Variants in OSBPL1A observed in about 807,000 individuals in gnomAD.
OSBPL1A encodes the protein oxysterol-binding protein-related protein 1.
Under a neutral mutation model 137.1 loss-of-function variants are expected in OSBPL1A, and 80 were observed. The ratio of observed to expected loss-of-function variants is 0.58; its 90% CI spans 0.49 to 0.70. The LOEUF (loss-of-function observed/expected upper bound fraction) is 0.70. Among genes scored for constraint, OSBPL1A ranks in the 30% least tolerant of loss-of-function variants. OSBPL1A has a pLI of 0.00. For missense variants in OSBPL1A, 970 were observed against 1,129.4 expected (o/e 0.86, Z 2.02); for synonymous variants, 365 against 389.7 (o/e 0.94, Z 0.75).
At chr18:24,170,590 G>T (rs1398075834) in intron 23 of OSBPL1A, 137 bp from the exon 24 acceptor site, 1 of 865,280 alleles carries the variant, frequency 1.2e-6, no homozygotes, top group Non-Finnish European at 1.8e-6. Context: ...GAGCAGATGA[G>T]ATCAGGCGTG....
chr18:24,197,264 T>C (rs1225740336), intron 17 of OSBPL1A, among the ~76,000 whole-genome samples: 3 of 152,062 alleles, frequency 2.0e-5, no homozygotes, highest in African/African-American at 7.2e-5. Context: ...GGAGAATCAC[T>C]TGAACACGTG....
At chr18:24,267,835 G>C (rs1476576897) in intron 15 of OSBPL1A, among the ~76,000 whole-genome samples, 2 of 150,112 alleles carry the variant, frequency 1.3e-5, no homozygotes, top group African/African-American at 4.9e-5. Context: ...TTAGAAGTTA[G>C]AGGTATGCCT....
chr18:24,174,780 TA>T (rs768917222), intron 21 of OSBPL1A, among the ~76,000 whole-genome samples: 4 of 152,138 alleles, frequency 2.6e-5, no homozygotes, highest in East Asian at 1.9e-4. Context: ...AATTTTTATT[TA>T]TTTTTTTTTA....
intron 22 of OSBPL1A, among the ~76,000 whole-genome samples, chr18:24,172,019 C>A (rs1226360478): frequency 6.6e-6 from 1 of 151,300 alleles, no homozygotes; most frequent in African/African-American, 2.4e-5. Flanking sequence ...CGGCTCACTG[C>A]AACCTCCGCC....
chr18:24,331,521 C>G (rs965677392), intron 7 of OSBPL1A, among the ~76,000 whole-genome samples: 3 of 151,460 alleles, frequency 2.0e-5, no homozygotes, highest in East Asian at 3.9e-4. Context: ...CTCAGCCTCC[C>G]GAGTAGCTGG....
Position 24,196,168 on chromosome 18 carries a change from T to C in OSBPL1A, c.1634A>G (p.Asn545Ser), listed in dbSNP as rs1337515195. The C allele has an allele frequency of 6.2e-7, 1 of 1,611,404 alleles. No individual in the cohort carries two copies. The highest frequency in any genetic ancestry group is 1.7e-5 in the Admixed American group (1 of 59,952). ...GAGGATGCTCCAGATACTGAAGTCATTTCTGGAAAACATAGGAGAAGGCAA... is the reference window on the plus strand; with the variant it reads ...GAGGATGCTCCAGATACTGAAGTCACTTCTGGAAAACATAGGAGAAGGCAA... ...TSLPSPMFSR[N>S]DFSIWSILRK... Residue 545 changes from asparagine to serine, a missense_variant, in exon 18 of 28, where the codon AAT (asparagine) becomes AGT (serine). Coordinates refer to ENST00000319481, the MANE Select transcript of OSBPL1A (RefSeq NM_080597.4).
chr18:24,196,118 A>G lies in OSBPL1A; in HGVS notation c.1677+7T>C. 3 of 1,600,814 alleles carry G rather than the reference A, an allele frequency of 1.9e-6. No individual in the cohort carries two copies. Among genetic ancestry groups the G allele is most frequent in the Non-Finnish European group, 2.6e-6 (3 of 1,170,112 alleles). On this transcript the variant is annotated splice_region_variant and intron_variant, in intron 18 of 27. Transcript: ENST00000319481. Reference sequence around the variant, plus strand: ...CTTAATATCATATGACAAAACCATTAATTTACCATTCCAATACATTTTCTG... The same window carrying G: ...CTTAATATCATATGACAAAACCATTGATTTACCATTCCAATACATTTTCTG...
intron 14 of OSBPL1A, among the ~76,000 whole-genome samples, chr18:24,285,702 C>A (rs2090055955): frequency 1.3e-5 from 2 of 151,272 alleles, no homozygotes; most frequent in African/African-American, 4.9e-5. Context: ...ACTAAATAGT[C>A]CAAAAACTAC....
At chr18:24,395,693 T>TC (rs1907685734) in intron 1 of OSBPL1A, among the ~76,000 whole-genome samples, 1 of 151,878 alleles carries the variant, frequency 6.6e-6, no homozygotes, top group Non-Finnish European at 1.5e-5. Flanking sequence ...CGATCTCCAT[T>TC]CACTTACCAT....
chr18:24,185,983 G>T (rs75807724), intron 18 of OSBPL1A, among the ~76,000 whole-genome samples: 1,706 of 152,220 alleles, frequency 0.011, 21 homozygotes, highest in African/African-American at 0.039. Context: ...CAGAAGGCTT[G>T]CTTGAGCTCA....
intron 7 of OSBPL1A, among the ~76,000 whole-genome samples, chr18:24,328,218 ATTTTTTTTTTTT>A (rs564798076): frequency 3.7e-4 from 18 of 48,610 alleles, no homozygotes; most frequent in South Asian, 6.6e-4. Flanking sequence ...AATTTTTTGT[ATTTTTTTTTTTT>A]TTTTTTTTTT....
intron 17 of OSBPL1A, among the ~76,000 whole-genome samples, chr18:24,214,606 T>C (rs905836388): frequency 1.2e-4 from 19 of 152,218 alleles, no homozygotes; most frequent in African/African-American, 4.1e-4. Flanking sequence ...TGGTGAGACC[T>C]GGAGTTCTCT....
chr18:24,266,450 A>C (rs1255028433), intron 15 of OSBPL1A, among the ~76,000 whole-genome samples: 2 of 152,200 alleles, frequency 1.3e-5, no homozygotes, highest in African/African-American at 4.8e-5. Flanking sequence ...AGGAGAGAGA[A>C]AACAAGGGAG....
At chr18:24,294,081 G>T (rs749052330) in intron 14 of OSBPL1A, among the ~76,000 whole-genome samples, 4 of 151,898 alleles carry the variant, frequency 2.6e-5, no homozygotes, top group Non-Finnish European at 5.9e-5. Flanking sequence ...TCTTGAGTTC[G>T]ACTATTTTGC....
chr18:24,353,139 A>C (rs1466183271), intron 4 of OSBPL1A, among the ~76,000 whole-genome samples: 4 of 152,346 alleles, frequency 2.6e-5, no homozygotes, highest in Admixed American at 6.5e-5. Context: ...CAACCTACAA[A>C]ATGGGAGAAG....
chr18:24,323,408 CAGAGA>C (rs1599666863), intron 7 of OSBPL1A, among the ~76,000 whole-genome samples: 69 of 100,268 alleles, frequency 6.9e-4, no homozygotes, highest in African/African-American at 8.1e-4. Flanking sequence ...CAAAAATTAG[CAGAGA>C]CGGGGTTTCA....
intron 14 of OSBPL1A, among the ~76,000 whole-genome samples, chr18:24,285,466 A>G (rs2090052257): frequency 6.6e-6 from 1 of 152,228 alleles, no homozygotes; most frequent in Non-Finnish European, 1.5e-5. Flanking sequence ...AGATTGAGAA[A>G]TAAGTAATTT....
chr18:24,303,974 G>A (rs899509143), intron 13 of OSBPL1A, among the ~76,000 whole-genome samples: 1 of 151,848 alleles, frequency 6.6e-6, no homozygotes, highest in Non-Finnish European at 1.5e-5. Context: ...CCATACAATT[G>A]CATCCATTAC....
At chr18:24,198,082 C>G (rs1259279410) in intron 17 of OSBPL1A, among the ~76,000 whole-genome samples, 1 of 152,142 alleles carries the variant, frequency 6.6e-6, no homozygotes, top group East Asian at 1.9e-4. Context: ...GCTACCGCGC[C>G]CAGCCAAATT....
Sources: allele counts gnomAD v4.1 joint callset (sites outside exome capture counted in the v4.1 genomes callset), GRCh38; gene constraint gnomAD v4.1.1; transcripts MANE v1.5; gene names NCBI Gene and HGNC (gene_info 2026-07-23, HGNC 2026-07-21).